NKAPD1: variants seen among roughly 807,000 people sequenced by gnomAD.
NKAPD1 encodes the protein uncharacterized protein NKAPD1.
NKAPD1 carries 12 observed loss-of-function variants against 30.9 expected under a neutral mutation model. That is an observed-to-expected ratio of 0.39 (90% CI 0.25 to 0.63). The LOEUF (loss-of-function observed/expected upper bound fraction) is 0.63. Ranked by LOEUF, NKAPD1 falls within the 20% of genes least tolerant of loss-of-function variation. The pLI is 0.51. For missense variants in NKAPD1, 311 were observed against 344.5 expected, an observed-to-expected ratio of 0.90 and a Z score of 0.77; for synonymous variants, 91 against 113.6, an observed-to-expected ratio of 0.80 and a Z score of 1.26.
In NKAPD1 at chr11:112,082,665, CTG is replaced by C; in HGVS notation, c.576_577del (p.Ala194PhefsTer11). The C allele has an allele frequency of 6.2e-7, 1 of 1,614,010 alleles. No individual in the cohort carries two copies. The highest frequency in any genetic ancestry group is 8.5e-7 in the Non-Finnish European group (1 of 1,180,002). On this transcript the variant is annotated frameshift_variant, in exon 6 of 6. Transcript: ENST00000393047. LOFTEE classifies it high-confidence loss of function. ...TCCTCGAGTGAGTTCTCAGAAGAAA[CTG>C]GGGCTTCTGGTACAAGGAAAGGGAA...
Position 112,075,594 on chromosome 11 carries a change from G to A in NKAPD1, c.20G>A (p.Gly7Glu). The change falls in exon 2 of 6, where the codon GGG becomes GAG. Residue 7 changes from glycine to glutamate, a missense_variant. Transcript: ENST00000393047. Reference sequence around the variant, plus strand: ...TGAAGAATGTCCCGGATTCCACTGGGGAAGGTCCTCCTGAGGAATGTCATC... The same window carrying A: ...TGAAGAATGTCCCGGATTCCACTGGAGAAGGTCCTCCTGAGGAATGTCATC... MSRIPLGKVLLRNVIRH... is the reference protein window; with the variant it reads MSRIPLEKVLLRNVIRH... 1 of 1,608,666 alleles carries A rather than the reference G, an allele frequency of 6.2e-7. No homozygotes were observed. The highest frequency in any genetic ancestry group is 8.5e-7 in the Non-Finnish European group (1 of 1,178,558).
In NKAPD1 at chr11:112,074,727, G is replaced by A. The variant is rs1324816500; in HGVS notation, c.-198G>A. On this transcript the variant is annotated 5_prime_UTR_variant, in exon 1 of 6. Coordinates refer to ENST00000393047, the MANE Select transcript of NKAPD1 (RefSeq NM_018195.4). Reference sequence around the variant, plus strand: ...TGTCGGTCTGGGCTGGGGGAAACGCGGCAGTGGCCTGGGCCACAGGTGAGG... The same window carrying A: ...TGTCGGTCTGGGCTGGGGGAAACGCAGCAGTGGCCTGGGCCACAGGTGAGG... The A allele has an allele frequency of 2.6e-6, 1 of 379,898 alleles. No individual in the cohort carries two copies. Among genetic ancestry groups the A allele is most frequent in the Admixed American group, 4.5e-5 (1 of 22,022 alleles). The allele number at this position is 379,898 out of a possible 1,614,324, so 23.5% of individuals were successfully genotyped here. A position where few individuals can be genotyped will look rare whatever the true frequency, so the allele number is the denominator to read the frequency against.
chr11:112,082,782 C>T lies in NKAPD1; in HGVS notation c.692C>T (p.Ser231Leu), dbSNP rs1489246938. The T allele has an allele frequency of 1.2e-6, 2 of 1,613,750 alleles. No homozygotes were observed. Among genetic ancestry groups the T allele is most frequent in the Non-Finnish European group, 1.7e-6 (2 of 1,179,968 alleles). ...GAGGCAGAAAGTAACACTTCACATT[C>T]AGATGATTCAGCATCCAGCAGTTCT... is the stretch of plus-strand genomic sequence containing the variant. ...FLEAESNTSH[S>L]DDSASSSSEE... Residue 231 changes from serine to leucine, a missense_variant, in exon 6 of 6, where the codon TCA becomes TTA. Ser to Leu is a moderately radical substitution (Grantham distance 145). Transcript: ENST00000393047.
intron 2 of NKAPD1, among the ~76,000 whole-genome samples, chr11:112,076,028 A>G (rs947650777): frequency 1.3e-5 from 2 of 152,232 alleles, no homozygotes; most frequent in Non-Finnish European, 2.9e-5. Context: ...TATGGCAACG[A>G]GAAAGAGCAT....
Position 112,075,662 on chromosome 11 carries a change from T to A in NKAPD1, c.69+19T>A. ...CAATAAGGTGGGAGGTACAACCTAGTTACTCCTCAACGCTTACTGAAGGCA... is the reference window on the plus strand; with the variant it reads ...CAATAAGGTGGGAGGTACAACCTAGATACTCCTCAACGCTTACTGAAGGCA... On this transcript the variant is annotated intron_variant, in intron 2 of 5. Coordinates refer to ENST00000393047, the MANE Select transcript of NKAPD1 (RefSeq NM_018195.4). 1 of 1,606,002 alleles carries A rather than the reference T, an allele frequency of 6.2e-7. No homozygotes were observed.
intron 2 of NKAPD1, among the ~76,000 whole-genome samples, chr11:112,077,920 A>G (rs1566670833): frequency 6.6e-6 from 1 of 150,614 alleles, no homozygotes; most frequent in Non-Finnish European, 1.5e-5. Context: ...ATCTCGGCTC[A>G]CTGCAACCTC....
Position 112,082,983 on chromosome 11 carries a change from C to CT in NKAPD1, c.*15dup, listed in dbSNP as rs755604045. The CT allele has an allele frequency of 1.9e-6, 3 of 1,577,694 alleles. No homozygotes were observed. Among genetic ancestry groups the CT allele is most frequent in the Non-Finnish European group, 2.6e-6 (3 of 1,168,412 alleles). ...TCAGAGGATGACTAAATGGGAAACA[C>CT]TTTTGTTTTCCACATGACTGTGGAT... On this transcript the variant is annotated 3_prime_UTR_variant, in exon 6 of 6. Coordinates refer to ENST00000393047, the MANE Select transcript of NKAPD1 (RefSeq NM_018195.4).
intron 2 of NKAPD1, among the ~76,000 whole-genome samples, chr11:112,077,966 C>T (rs991903752): frequency 6.6e-6 from 1 of 152,060 alleles, no homozygotes; most frequent in Non-Finnish European, 1.5e-5. Flanking sequence ...CTGCCTCAGC[C>T]TCCTGAGTAG....
intron 4 of NKAPD1, 200 bp downstream of exon 4, chr11:112,080,758 G>C: frequency 1.8e-6 from 1 of 559,756 alleles, no homozygotes; most frequent in Non-Finnish European, 3.1e-6. Context: ...CCATACAATG[G>C]AATATTATTT....
chr11:112,083,807 G>A lies in NKAPD1; in HGVS notation c.*835G>A, dbSNP rs1490217546. 3.3e-5 allele frequency: 5 copies of A among 152,588 alleles called. No homozygotes were observed. Among genetic ancestry groups the A allele is most frequent in the South Asian group, 2.1e-4 (1 of 4,828 alleles). 9.5% of individuals were successfully genotyped at this position (152,588 alleles called of 1,614,324 possible). A position where few individuals can be genotyped will look rare whatever the true frequency, so the allele number is the denominator to read the frequency against. On this transcript the variant is annotated 3_prime_UTR_variant, in exon 6 of 6. Transcript: ENST00000393047. ...TCAGGGCAGCAACTGCCATTTAAAT[G>A]TTGTCTTGTTCATTTCTAAATCTGT... is the stretch of plus-strand genomic sequence containing the variant.
rs1555185290 is a variant in NKAPD1 at position 112,074,353 on chromosome 11, C to T, written c.-572C>T. The T allele has an allele frequency of 7.5e-6, 3 of 399,172 alleles. No homozygotes were observed. The highest frequency in any genetic ancestry group is 1.3e-5 in the Non-Finnish European group (3 of 226,282). 24.7% of individuals were successfully genotyped at this position (399,172 alleles called of 1,614,324 possible). A position where few individuals can be genotyped will look rare whatever the true frequency, so the allele number is the denominator to read the frequency against. On this transcript the variant is annotated 5_prime_UTR_variant, in exon 1 of 6. Coordinates refer to ENST00000393047, the MANE Select transcript of NKAPD1 (RefSeq NM_018195.4). ...TACCCCCCGCCACGCGAGGCTGCGG[C>T]GCACGGTATGGGTGTGTTTGTGTGT... is the stretch of plus-strand genomic sequence containing the variant.
At position 112,082,903 on chromosome 11, in the gene NKAPD1, GACAA is replaced by G. The variant is rs780476786; in HGVS notation, c.820_823del (p.Lys274AlafsTer6). 9.3e-6 allele frequency: 15 copies of G among 1,610,324 alleles called. No individual in the cohort carries two copies. The highest frequency in any genetic ancestry group is 1.7e-4 in the Middle Eastern group (1 of 6,030). On this transcript the variant is annotated frameshift_variant, in exon 6 of 6. Coordinates refer to ENST00000393047, the MANE Select transcript of NKAPD1 (RefSeq NM_018195.4). LOFTEE classifies it high-confidence loss of function. ...TAGCCAACAATGAAATACAGGAGAG[GACAA>G]ACAAACGCACAAATTGGAAAGTAGC...
intron 3 of NKAPD1, among the ~76,000 whole-genome samples, chr11:112,079,456 T>A (rs1865398568): frequency 6.6e-6 from 1 of 152,140 alleles, no homozygotes; most frequent in South Asian, 2.1e-4. Context: ...CCCTTAAAAA[T>A]TTTTGATAAC....
intron 3 of NKAPD1, among the ~76,000 whole-genome samples, chr11:112,079,466 C>T (rs1297379123): frequency 1.3e-5 from 2 of 152,006 alleles, no homozygotes; most frequent in Non-Finnish European, 2.9e-5. Context: ...TTTTTGATAA[C>T]CGATTAGCAG....
At chr11:112,082,085 A>G (rs746978148) in intron 5 of NKAPD1, 50 bp downstream of exon 5, 1 of 1,433,844 alleles carries the variant, frequency 7.0e-7, no homozygotes, top group African/African-American at 1.4e-5. Context: ...CAAAATCTGT[A>G]TTATAAATTG....
intron 4 of NKAPD1, 137 bp from the exon 5 acceptor site, chr11:112,081,844 TG>T: frequency 1.5e-6 from 1 of 680,952 alleles, no homozygotes; most frequent in Non-Finnish European, 2.6e-6. Flanking sequence ...TGAGCTATAA[TG>T]GGGGCTTGGT....
chr11:112,075,610 G>A lies in NKAPD1; in HGVS notation c.36G>A (p.Arg12=). The change falls in exon 2 of 6, where the codon AGG becomes AGA. Residue 12 remains arginine (R), a synonymous_variant. Coordinates refer to ENST00000393047, the MANE Select transcript of NKAPD1 (RefSeq NM_018195.4). ...SRIPLGKVLL[R]NVIRHTDAHN... is the part of the protein sequence containing the mutation. The stretch of plus-strand genomic sequence containing the variant: ...TTCCACTGGGGAAGGTCCTCCTGAG[G>A]AATGTCATCCGGCACACAGATGCTC... The A allele has an allele frequency of 6.2e-7, 1 of 1,608,220 alleles. No individual in the cohort carries two copies. Among genetic ancestry groups the A allele is most frequent in the Non-Finnish European group, 8.5e-7 (1 of 1,178,496 alleles).
chr11:112,082,512 TAA>T lies in NKAPD1; in HGVS notation c.424_425del (p.Lys142ValfsTer5). On this transcript the variant is annotated frameshift_variant, in exon 6 of 6. Transcript: ENST00000393047. LOFTEE classifies it high-confidence loss of function. Reference sequence around the variant, plus strand: ...AACGGGAAGAAAACATCTCCCCAGGTAAAGTCATCTACCCATGAATCCCGCAA... The same window carrying T: ...AACGGGAAGAAAACATCTCCCCAGGTAGTCATCTACCCATGAATCCCGCAA... 1.2e-6 allele frequency: 2 copies of T among 1,600,680 alleles called. No individual in the cohort carries two copies. The highest frequency in any genetic ancestry group is 1.7e-6 in the Non-Finnish European group (2 of 1,176,962).
Position 112,082,766 on chromosome 11 carries a change from A to G in NKAPD1, c.676A>G (p.Ser226Gly), listed in dbSNP as rs772048563. ...KKPALFLEAESNTSHSDDSAS... is the reference protein window; with the variant it reads ...KKPALFLEAEGNTSHSDDSAS... ...ACCTGCTTTATTCTTAGAGGCAGAA[A>G]GTAACACTTCACATTCAGATGATTC... Residue 226 changes from serine to glycine, a missense_variant, in exon 6 of 6, where the codon AGT becomes GGT. Coordinates refer to ENST00000393047, the MANE Select transcript of NKAPD1 (RefSeq NM_018195.4). The G allele has an allele frequency of 1.1e-5, 17 of 1,613,824 alleles. No individual in the cohort carries two copies. The South Asian group carries it at 1.9e-4, about 18-fold the overall frequency.
Sources: gnomAD v4.1 joint callset for allele counts (sites outside exome capture counted in the v4.1 genomes callset) on GRCh38, gnomAD v4.1.1 for gene constraint, MANE v1.5 for transcripts, NCBI Gene and HGNC (gene_info 2026-07-23, HGNC 2026-07-21) for gene names.